PRKCH: variants seen among roughly 807,000 people sequenced by gnomAD.
PRKCH encodes the protein protein kinase C eta type.
Under a neutral mutation model 82.5 loss-of-function variants are expected in PRKCH, and 28 were observed. The ratio of observed to expected loss-of-function variants is 0.34; its 90% confidence interval spans 0.25 to 0.47. The LOEUF (loss-of-function observed/expected upper bound fraction) is 0.47, where lower values mean the gene tolerates loss of function less well. PRKCH is among the 20% of genes least tolerant of loss of function. The pLI is 1.00. For missense variants in PRKCH, 705 were observed against 881.8 expected (o/e 0.80, Z 2.54); for synonymous variants, 322 against 327.4 (o/e 0.98, Z 0.18).
At chr14:61,212,926 T>C (rs2044593030) in intron 1 of PRKCH, among the ~76,000 whole-genome samples, 2 of 152,182 alleles carry the variant, frequency 1.3e-5, no homozygotes, top group Admixed American at 1.3e-4. Flanking sequence ...ATGCACACAT[T>C]TCCTGGGCCA....
chr14:61,321,242 AG>A (rs944943868), upstream of PRKCH, among the ~76,000 whole-genome samples: 2 of 152,082 alleles, frequency 1.3e-5, no homozygotes, highest in African/African-American at 4.8e-5. The surrounding 1 kb of genome is among the most constrained non-coding windows in gnomAD (Gnocchi z 4.1). Context: ...GTTGGGAGAG[AG>A]GGGGCGGGCG....
At chr14:61,304,497 G>T (rs897133267) in intron 1 of PRKCH, 1 of 152,026 alleles carries the variant, frequency 6.6e-6, no homozygotes, top group Non-Finnish European at 1.5e-5. Flanking sequence ...TTGTTTATCA[G>T]AAAATGTCTT....
At chr14:61,393,077 T>A (rs2046710571) in intron 2 of PRKCH, among the ~76,000 whole-genome samples, 5 of 152,188 alleles carry the variant, frequency 3.3e-5, no homozygotes, top group Admixed American at 2.0e-4. Flanking sequence ...CTGGATTATC[T>A]GTTCTGTCCT....
intron 10 of PRKCH, among the ~76,000 whole-genome samples, chr14:61,509,225 A>C (rs1313406664): frequency 1.3e-5 from 2 of 152,198 alleles, no homozygotes; most frequent in Non-Finnish European, 2.9e-5. Context: ...TTTGTGTCTT[A>C]AATGACTTTT....
rs553979045 is a variant in PRKCH at position 61,521,730 on chromosome 14, CCTTAATCTTTTTAAAG to C, written c.1434-7340_1434-7325del. Among the ~76,000 whole-genome samples the C allele has an allele frequency of 1.6e-4, 25 of 152,178 alleles. No individual in the cohort carries two copies. In the South Asian group the frequency reaches 1.9e-3, roughly 11 times the overall value. On this transcript the variant is annotated intron_variant, in intron 10 of 13. Coordinates refer to ENST00000332981, the MANE Select transcript of PRKCH (RefSeq NM_006255.5). ...TTCAGGCGTAAGCCACTGTGCCCGG[CCTTAATCTTTTTAAAG>C]CTTACCTGGACTATAGGTGGCCCAT...
chr14:61,469,791 C>A (rs78000006), intron 9 of PRKCH, among the ~76,000 whole-genome samples: 1 of 152,092 alleles, frequency 6.6e-6, no homozygotes, highest in Non-Finnish European at 1.5e-5. Flanking sequence ...TTAGCAGACT[C>A]GTCGTGTAGA....
Position 61,530,487 on chromosome 14 carries a change from C to A in PRKCH, c.1653C>A (p.His551Gln), listed in dbSNP as rs758220032. 1.2e-6 allele frequency: 2 copies of A among 1,612,332 alleles called. No homozygotes were observed. Among genetic ancestry groups the A allele is most frequent in the African/African-American group, 2.7e-5 (2 of 74,880 alleles). Residue 551 changes from histidine (H) to glutamine (Q), a missense_variant, in exon 12 of 14, where the codon CAC (histidine) becomes CAA (glutamine). Around this residue, in one of 5 missense-constraint regions of PRKCH, gnomAD observed 115 missense variants for 193.8 expected, o/e 0.59. Coordinates refer to ENST00000332981, the MANE Select transcript of PRKCH (RefSeq NM_006255.5). ...GVLLYEMLCG[H>Q]APFEAENEDD... ...TGCTCTATGAGATGCTCTGTGGTCACGCGCCTTTTGAGGCAGAGAACGAAG... is the reference window on the plus strand; with the variant it reads ...TGCTCTATGAGATGCTCTGTGGTCAAGCGCCTTTTGAGGCAGAGAACGAAG...
In PRKCH at chr14:61,387,860, A is replaced by G. The variant is rs557866376; in HGVS notation, c.364-3365A>G. On this transcript the variant is annotated intron_variant, in intron 1 of 13. Transcript: ENST00000332981. Reference sequence around the variant, plus strand: ...GTTTTTATTCTACTTTGAAATCCCTATTGTCCGCTGGGTGTGGTGGCTCAT... The same window carrying G: ...GTTTTTATTCTACTTTGAAATCCCTGTTGTCCGCTGGGTGTGGTGGCTCAT... 2.6e-5 allele frequency among the ~76,000 whole-genome samples: 4 copies of G among 152,238 alleles called. No homozygotes were observed. In the East Asian group the frequency reaches 5.8e-4, roughly 22 times the overall value.
intron 10 of PRKCH, among the ~76,000 whole-genome samples, chr14:61,497,945 C>A (rs1886740941): frequency 6.6e-6 from 1 of 152,106 alleles, no homozygotes; most frequent in African/African-American, 2.4e-5. Context: ...TTTTTATTTT[C>A]TTTTTGATGG....
chr14:61,447,005 G>A (rs1884258264), intron 4 of PRKCH, among the ~76,000 whole-genome samples: 1 of 152,218 alleles, frequency 6.6e-6, no homozygotes, highest in African/African-American at 2.4e-5. Context: ...TAGGAGACAT[G>A]CAGACACCAC....
intron 1 of PRKCH, among the ~76,000 whole-genome samples, chr14:61,337,623 A>C (rs1001186669): frequency 1.3e-5 from 2 of 152,114 alleles, no homozygotes; most frequent in Non-Finnish European, 1.5e-5. Context: ...GTAGGGTCTC[A>C]CTATGTTGCC....
At chr14:61,302,888 G>A (rs1377606213) in intron 1 of PRKCH, 2 of 151,978 alleles carry the variant, frequency 1.3e-5, no homozygotes, top group African/African-American at 4.8e-5. Flanking sequence ...TATCAATTAG[G>A]TTAAGTTGGT....
chr14:61,440,944 A>G (rs896509762), intron 2 of PRKCH, among the ~76,000 whole-genome samples: 1 of 151,392 alleles, frequency 6.6e-6, no homozygotes, highest in Admixed American at 6.6e-5. Flanking sequence ...TTGGAGAGAA[A>G]GTCTTGCTCT....
At chr14:61,405,095 A>C (rs1368815183) in intron 2 of PRKCH, among the ~76,000 whole-genome samples, 1 of 152,200 alleles carries the variant, frequency 6.6e-6, no homozygotes, top group African/African-American at 2.4e-5. Flanking sequence ...GTATTTTGCT[A>C]ATGCGGAAAC....
chr14:61,336,095 C>T (rs879277464), intron 1 of PRKCH, among the ~76,000 whole-genome samples: 2 of 152,182 alleles, frequency 1.3e-5, no homozygotes, highest in Non-Finnish European at 2.9e-5. Context: ...CATATACTAC[C>T]GCAGAAAAAT....
chr14:61,207,283 A>G (rs1165146507), intron 1 of PRKCH, among the ~76,000 whole-genome samples: 1 of 152,102 alleles, frequency 6.6e-6, no homozygotes, highest in Non-Finnish European at 1.5e-5. Flanking sequence ...GGGTTTGCAC[A>G]TCATGTGGAA....
chr14:61,339,726 G>C (rs1398745311), intron 1 of PRKCH, among the ~76,000 whole-genome samples: 2 of 142,508 alleles, frequency 1.4e-5, no homozygotes, highest in African/African-American at 5.2e-5. Flanking sequence ...CTGTCATCCA[G>C]GCCAGAGTGC....
chr14:61,461,059 C>T (rs1422394475), intron 9 of PRKCH, among the ~76,000 whole-genome samples: 2 of 152,166 alleles, frequency 1.3e-5, no homozygotes, highest in African/African-American at 2.4e-5. Flanking sequence ...CTAATGGCTT[C>T]GTGGGCCTCG....
chr14:61,352,693 A>AG (rs71961091), intron 1 of PRKCH, among the ~76,000 whole-genome samples: 1,787 of 89,414 alleles, frequency 0.02, 14 homozygotes, highest in South Asian at 0.03. Flanking sequence ...AGGAAAGGAA[A>AG]GAAAGAAAGA....
Sources: gnomAD v4.1 joint callset for allele counts (sites outside exome capture counted in the v4.1 genomes callset) on GRCh38, gnomAD v4.1.1 for gene constraint, gnomAD v4.1.1 regional missense constraint, Gnocchi (gnomAD v3.1) non-coding constraint, MANE v1.5 for transcripts, NCBI Gene and HGNC (gene_info 2026-07-23, HGNC 2026-07-21) for gene names.